Variants in PRKD2 observed in about 807,000 individuals in gnomAD.
PRKD2 encodes the protein serine/threonine-protein kinase D2.
Under a neutral mutation model 86.0 loss-of-function variants are expected in PRKD2, and 22 were observed. That is an observed-to-expected ratio of 0.26 (90% CI 0.18 to 0.37). The LOEUF (loss-of-function observed/expected upper bound fraction) is 0.37, where lower values mean the gene tolerates loss of function less well. Ranked by LOEUF, PRKD2 falls within the 10% of genes least tolerant of loss-of-function variation. The pLI is 1.00. For synonymous variants in PRKD2, 509 were observed against 510.9 expected (o/e 1.00, Z 0.05); for missense variants, 818 against 1,199.2 (o/e 0.68, Z 4.70).
chr19:46,706,376 T>C (rs2053714332), intron 3 of PRKD2, among the ~76,000 whole-genome samples: 3 of 152,296 alleles, frequency 2.0e-5, no homozygotes, highest in Admixed American at 1.3e-4. Flanking sequence ...CACCTCCTCA[T>C]TGTAGGCACT....
In PRKD2 at chr19:46,674,558, T is replaced by A. The variant is rs745979602; in HGVS notation, c.2602A>T (p.Met868Leu). The A allele has an allele frequency of 1.2e-6, 2 of 1,613,078 alleles. No individual in the cohort carries two copies. The highest frequency in any genetic ancestry group is 8.5e-7 in the Non-Finnish European group (1 of 1,179,966). The change falls in exon 18 of 18, where the codon ATG (methionine) becomes TTG (leucine). Residue 868 changes from methionine to leucine, a missense_variant. Transcript: ENST00000291281. The part of the protein sequence containing the change: ...GGACPPQDHD[M>L]QGLAERISVL ...CTGATGCGCTCCGCCAGCCCCTGCATGTCGTGGTCCTGTGGTGGACAGGCC... is the reference window on the plus strand; with the variant it reads ...CTGATGCGCTCCGCCAGCCCCTGCAAGTCGTGGTCCTGTGGTGGACAGGCC...
intron 5 of PRKD2, among the ~76,000 whole-genome samples, chr19:46,702,322 G>A (rs1320207700): frequency 1.3e-5 from 2 of 151,770 alleles, no homozygotes; most frequent in African/African-American, 4.8e-5. Context: ...TTACAGGTGT[G>A]AGCTACTGCC....
rs2053163591 is a variant in PRKD2 at position 46,674,419 on chromosome 19, C to T, written c.*104G>A. 1 of 1,263,294 alleles carries T rather than the reference C, an allele frequency of 7.9e-7. No homozygotes were observed. Among genetic ancestry groups the T allele is most frequent in the Non-Finnish European group, 1.1e-6 (1 of 925,456 alleles). The allele number at this position is 1,263,294 out of a possible 1,614,324, so 78.3% of individuals were successfully genotyped here. ...TCCCCCCACCCCACTCCCCACGTGTCCCATCCAGTTTGGGCAGGAAGCCAC... is the reference window on the plus strand; with the variant it reads ...TCCCCCCACCCCACTCCCCACGTGTTCCATCCAGTTTGGGCAGGAAGCCAC... On this transcript the variant is annotated 3_prime_UTR_variant, in exon 18 of 18. Transcript: ENST00000291281.
At chr19:46,682,419 T>C (rs2053321517) in intron 14 of PRKD2, among the ~76,000 whole-genome samples, 1 of 151,942 alleles carries the variant, frequency 6.6e-6, no homozygotes, top group African/African-American at 2.4e-5. Context: ...CCTCCCAAAA[T>C]GCTGGGATTA....
Position 46,704,323 on chromosome 19 carries a change from C to G in PRKD2, c.735G>C (p.Ser245=). ...PSSSSSSSAS[S]YTGRPIELDK... is the part of the protein sequence containing the mutation. ...CCAGCTCAATGGGGCGGCCCGTATACGATGAGGCAGAAGAGGAGGAAGAGG... is the reference window on the plus strand; with the variant it reads ...CCAGCTCAATGGGGCGGCCCGTATAGGATGAGGCAGAAGAGGAGGAAGAGG... The change falls in exon 5 of 18, where the codon TCG becomes TCC. Residue 245 remains serine (S), a synonymous_variant. Coordinates refer to ENST00000291281, the MANE Select transcript of PRKD2 (RefSeq NM_016457.5). 6.2e-7 allele frequency: 1 copy of G among 1,614,150 alleles called. No homozygotes were observed. The highest frequency in any genetic ancestry group is 8.5e-7 in the Non-Finnish European group (1 of 1,180,028).
chr19:46,692,046 A>T, intron 10 of PRKD2, 61 bp from the exon 11 acceptor site: 1 of 1,541,044 alleles, frequency 6.5e-7, no homozygotes, highest in South Asian at 1.1e-5. Flanking sequence ...CTCCACCCAT[A>T]CCTGCAAAAG....
In PRKD2 at chr19:46,674,453, G is replaced by T; in HGVS notation, c.*70C>A. 1 of 1,511,920 alleles carries T rather than the reference G, an allele frequency of 6.6e-7. No individual in the cohort carries two copies. The highest frequency in any genetic ancestry group is 8.9e-7 in the Non-Finnish European group (1 of 1,120,932). 93.7% of individuals were successfully genotyped at this position (1,511,920 alleles called of 1,614,324 possible). A position where few individuals can be genotyped will look rare whatever the true frequency, so the allele number is the denominator to read the frequency against. On this transcript the variant is annotated 3_prime_UTR_variant, in exon 18 of 18. Coordinates refer to ENST00000291281, the MANE Select transcript of PRKD2 (RefSeq NM_016457.5). The stretch of plus-strand genomic sequence containing the variant: ...TTTGGGCAGGAAGCCACTTTCCCTA[G>T]AACAGTTCATTGCTGGGATCCTGTG...
At chr19:46,681,145 A>T (rs780403829) in intron 15 of PRKD2, among the ~76,000 whole-genome samples, 4 of 149,168 alleles carry the variant, frequency 2.7e-5, no homozygotes, top group Non-Finnish European at 5.9e-5. Flanking sequence ...TTTAGTAGAG[A>T]AGGGGTTTCA....
intron 5 of PRKD2, among the ~76,000 whole-genome samples, chr19:46,703,758 TGAGACTCCGTCTCAAAAAAA>T (rs1334994947): frequency 2.1e-5 from 3 of 142,798 alleles, no homozygotes; most frequent in Non-Finnish European, 4.6e-5. Context: ...GGCGACAGAG[TGAGACTCCGTCTCAAAAAAA>T]AAAAAAAGAA....
intron 16 of PRKD2, among the ~76,000 whole-genome samples, chr19:46,676,063 TATG>T (rs2053196794): frequency 6.6e-6 from 1 of 152,148 alleles, no homozygotes; most frequent in Non-Finnish European, 1.5e-5. Context: ...CTGACCAACT[TATG>T]ATATTTTCAA....
chr19:46,691,428 T>C (rs937541242), intron 12 of PRKD2, among the ~76,000 whole-genome samples: 3 of 152,170 alleles, frequency 2.0e-5, no homozygotes, highest in East Asian at 1.9e-4. Flanking sequence ...ATCTAGGTTC[T>C]AGCTCTGTGG....
At chr19:46,692,099 G>C (rs978564060) in intron 10 of PRKD2, 114 bp from the exon 11 acceptor site, 1 of 1,001,170 alleles carries the variant, frequency 1.0e-6, no homozygotes, top group South Asian at 1.3e-5. Context: ...TCCAATGTTC[G>C]ATACAATGTG....
intron 5 of PRKD2, among the ~76,000 whole-genome samples, chr19:46,703,562 G>A (rs996857333): frequency 6.6e-6 from 1 of 152,080 alleles, no homozygotes; most frequent in Non-Finnish European, 1.5e-5. Flanking sequence ...ACAAGGTCAG[G>A]AGATCGAGAC....
In PRKD2 at chr19:46,678,242, T is replaced by C; in HGVS notation, c.2338+154A>G. On this transcript the variant is annotated intron_variant, in intron 16 of 17. Transcript: ENST00000291281. This position sits in a 1 kb window ranked among gnomAD's most constrained non-coding sequence, Gnocchi z 5.7. ...ATCTTTTACAGGACGGCTCCTCCTGTAGCCACATCCCTCCAGTAGGCCCGC... is the reference window on the plus strand; with the variant it reads ...ATCTTTTACAGGACGGCTCCTCCTGCAGCCACATCCCTCCAGTAGGCCCGC... 1 of 1,203,560 alleles carries C rather than the reference T, an allele frequency of 8.3e-7. No homozygotes were observed. The highest frequency in any genetic ancestry group is 2.6e-5 in the East Asian group (1 of 39,166). The allele number at this position is 1,203,560 out of a possible 1,614,324, so 74.6% of individuals were successfully genotyped here.
Position 46,678,883 on chromosome 19 carries a change from C to T in PRKD2, c.2071-220G>A, listed in dbSNP as rs2053253946. Among the ~76,000 whole-genome samples the T allele has an allele frequency of 6.6e-6, 1 of 152,172 alleles. No homozygotes were observed. The highest frequency in any genetic ancestry group is 2.1e-4 in the South Asian group (1 of 4,832). ...AAGAAGAGCAGAAGAGCACCTATCT[C>T]AGAGGACTGCCATGATGGTTAGTGA... On this transcript the variant is annotated intron_variant, in intron 15 of 17. Transcript: ENST00000291281. The surrounding 1 kb of genome is among the most constrained non-coding windows in gnomAD (Gnocchi z 5.7).
intron 16 of PRKD2, among the ~76,000 whole-genome samples, chr19:46,676,759 G>A (rs2053209976): frequency 6.6e-6 from 1 of 152,052 alleles, no homozygotes; most frequent in Non-Finnish European, 1.5e-5. Flanking sequence ...CTTCTGAGTG[G>A]GTCTCAAAAG....
At chr19:46,705,639 T>C (rs2122125554) in intron 3 of PRKD2, among the ~76,000 whole-genome samples, 1 of 151,954 alleles carries the variant, frequency 6.6e-6, no homozygotes, top group African/African-American at 2.4e-5. Flanking sequence ...ATACAAAACT[T>C]AGCCGGGTGT....
At position 46,704,602 on chromosome 19, in the gene PRKD2, T is replaced by G; in HGVS notation, c.559A>C (p.Asn187His). 6.2e-7 allele frequency: 1 copy of G among 1,613,640 alleles called. No individual in the cohort carries two copies. Among genetic ancestry groups the G allele is most frequent in the Non-Finnish European group, 8.5e-7 (1 of 1,179,750 alleles). ...CGCCGTTTGCGGGCCCCACTACAGT[T>G]GTTGGGGATGCTGAAGGCACAGCGC... ...HKRCAFSIPN[N>H]CSGARKRRLS... The change falls in exon 4 of 18, where the codon AAC (asparagine) becomes CAC (histidine). Residue 187 changes from asparagine (N) to histidine (H), a missense_variant. By Grantham distance (68) the Asn-to-His change is moderately conservative. Transcript: ENST00000291281.
At chr19:46,682,728 C>A (rs2053327068) in intron 14 of PRKD2, among the ~76,000 whole-genome samples, 2 of 123,130 alleles carry the variant, frequency 1.6e-5, no homozygotes, top group Admixed American at 9.8e-5. Context: ...TTTTTTGAGA[C>A]AGAGTCTTGC....
Sources: allele counts gnomAD v4.1 joint callset (sites outside exome capture counted in the v4.1 genomes callset), GRCh38; gene constraint gnomAD v4.1.1; non-coding constraint Gnocchi (gnomAD v3.1); transcripts MANE v1.5; gene names NCBI Gene and HGNC (gene_info 2026-07-23, HGNC 2026-07-21).